CDKL3: variants seen among roughly 807,000 people sequenced by gnomAD.
CDKL3 encodes the protein cyclin-dependent kinase-like 3.
CDKL3 carries 65 observed loss-of-function variants against 69.3 expected under a neutral mutation model. The ratio of observed to expected loss-of-function variants is 0.94; its 90% CI spans 0.77 to 1.15. CDKL3 has a LOEUF of 1.15. Ranked by LOEUF, CDKL3 falls within the 50% of genes most tolerant of loss-of-function variation. The pLI is 0.00. For missense variants in CDKL3, 652 were observed against 689.2 expected (o/e 0.95, Z 0.61); for synonymous variants, 202 against 221.6 (o/e 0.91, Z 0.79).
Position 134,342,634 on chromosome 5 carries a change from T to G in CDKL3, c.539+7615A>C, listed in dbSNP as rs147873646. ...AAAGAAAAAGAAAAAGAAAAATTTA[T>G]GGAAGATCTAAATAAATGGCAAAAC... is the stretch of plus-strand genomic sequence containing the variant. On this transcript the variant is annotated intron_variant, in intron 4 of 12. Coordinates refer to ENST00000265334, the MANE Select transcript of CDKL3 (RefSeq NM_001113575.2). 2.6e-4 allele frequency among the ~76,000 whole-genome samples: 40 copies of G among 151,748 alleles called. 2 individuals carry two copies. The East Asian group carries it at 7.7e-3, about 29-fold the overall frequency.
chr5:134,305,531 T>C (rs1767581396), intron 10 of CDKL3, among the ~76,000 whole-genome samples: 1 of 152,230 alleles, frequency 6.6e-6, no homozygotes, highest in Non-Finnish European at 1.5e-5. Context: ...TGATATGCTT[T>C]GTAAACACTG....
rs1768482592 is a variant in CDKL3, at chr5:134,308,423, A to T, written c.1079T>A (p.Val360Asp). 1 of 1,612,504 alleles carries T rather than the reference A, an allele frequency of 6.2e-7. No individual in the cohort carries two copies. Among genetic ancestry groups the T allele is most frequent in the Admixed American group, 1.7e-5 (1 of 59,884 alleles). ...TCCTCTTCCTCCTTTGACTTTAATA[A>T]CTCTGACTTTGATCTCCTTGGGCTT... ...EKKPKEIKVR[V>D]IKVKGGRGDI... Residue 360 changes from valine (V) to aspartate (D), a missense_variant, in exon 9 of 13, where the codon GTT (valine) becomes GAT (aspartate). Transcript: ENST00000265334.
At chr5:134,298,760 T>C (rs370023492) in intron 12 of CDKL3, 50 bp from the exon 13 acceptor site, 2 of 1,586,486 alleles carry the variant, frequency 1.3e-6, no homozygotes, top group South Asian at 1.2e-5. Context: ...AATGTAAATA[T>C]ATGCTACCAA....
At chr5:134,291,787 AG>A (rs1233690509) in intron 8 of CDKL3, among the ~76,000 whole-genome samples, 1 of 151,894 alleles carries the variant, frequency 6.6e-6, no homozygotes, top group Non-Finnish European at 1.5e-5. Context: ...AAAAAAAAAA[AG>A]GAACTCTTTA....
rs111940705 is a variant in CDKL3 at position 134,349,541 on chromosome 5, G to A, written c.539+708C>T. ...CATTTTTCCAGGAAATGGGAAACTCGGCAGTTCCTACTGCAACACTAGCAG... is the reference window on the plus strand; with the variant it reads ...CATTTTTCCAGGAAATGGGAAACTCAGCAGTTCCTACTGCAACACTAGCAG... On this transcript the variant is annotated intron_variant, in intron 4 of 12. Coordinates refer to ENST00000265334, the MANE Select transcript of CDKL3 (RefSeq NM_001113575.2). 9.6e-3 allele frequency among the ~76,000 whole-genome samples: 1,456 copies of A among 152,198 alleles called. 12 individuals are homozygous for A. Among genetic ancestry groups the A allele is most frequent in the African/African-American group, 0.031 (1,290 of 41,526 alleles).
intron 4 of CDKL3, among the ~76,000 whole-genome samples, chr5:134,323,845 G>C (rs1773427286): frequency 1.3e-5 from 2 of 151,948 alleles, no homozygotes; most frequent in Admixed American, 1.3e-4. Flanking sequence ...ATTCACAAAA[G>C]AAAAAATTGA....
intron 3 of CDKL3, among the ~76,000 whole-genome samples, chr5:134,353,827 G>C (rs1184892311): frequency 6.6e-6 from 1 of 152,006 alleles, no homozygotes; most frequent in East Asian, 1.9e-4. Flanking sequence ...CAAAGTGCTG[G>C]GATTACAGGC....
At chr5:134,304,079 C>G (rs1172869378) in intron 11 of CDKL3, among the ~76,000 whole-genome samples, 1 of 151,762 alleles carries the variant, frequency 6.6e-6, no homozygotes, top group East Asian at 1.9e-4. Flanking sequence ...ACTACAGGCA[C>G]ACACCACCAC....
At chr5:134,312,436 A>C (rs1769815267) in intron 6 of CDKL3, 56 bp from the exon 7 acceptor site, 9 of 898,134 alleles carry the variant, frequency 1.0e-5, no homozygotes, top group Non-Finnish European at 1.5e-5. Context: ...CCATATGGTA[A>C]AAATTAAATT....
chr5:134,359,196 G>A (rs1008986137), intron 3 of CDKL3, among the ~76,000 whole-genome samples: 68 of 152,112 alleles, frequency 4.5e-4, no homozygotes, highest in African/African-American at 1.6e-3. Context: ...GATGTTTTAA[G>A]GAGAGGCAGG....
rs1424878359 is a variant in CDKL3 at position 134,331,669 on chromosome 5, T to C, written c.540-9766A>G. Among the ~76,000 whole-genome samples the C allele has an allele frequency of 2.0e-5, 3 of 152,340 alleles. No individual in the cohort carries two copies. In the East Asian group the frequency reaches 5.8e-4, roughly 29 times the overall value. On this transcript the variant is annotated intron_variant, in intron 4 of 12. Transcript: ENST00000265334. ...TGGCAAGATAGTATTCCATGGTGTA[T>C]ATGTGCCACATTTTTCTTTATTCAG...
In CDKL3 at chr5:134,342,414, C is replaced by T. The variant is rs368496436; in HGVS notation, c.539+7835G>A. On this transcript the variant is annotated intron_variant, in intron 4 of 12. Coordinates refer to ENST00000265334, the MANE Select transcript of CDKL3 (RefSeq NM_001113575.2). ...AAGATCGAGACCATCCTGGCTAACACGGTGAAACCCCATCTCTACTAAAAA... is the reference window on the plus strand; with the variant it reads ...AAGATCGAGACCATCCTGGCTAACATGGTGAAACCCCATCTCTACTAAAAA... Among the ~76,000 whole-genome samples the T allele has an allele frequency of 2.6e-5, 4 of 151,864 alleles. 1 individual carries two copies. Among genetic ancestry groups the T allele is most frequent in the Non-Finnish European group, 4.4e-5 (3 of 67,940 alleles).
chr5:134,313,878 G>A (rs942508193), intron 6 of CDKL3, among the ~76,000 whole-genome samples: 20 of 151,714 alleles, frequency 1.3e-4, no homozygotes, highest in African/African-American at 4.4e-4. Context: ...TGGCTCATGC[G>A]TGTAATCCCA....
downstream of CDKL3, among the ~76,000 whole-genome samples, chr5:134,285,443 G>A (rs565584383): frequency 1.3e-5 from 2 of 152,348 alleles, no homozygotes; most frequent in East Asian, 1.9e-4. Context: ...CTCCTCTGAA[G>A]CCACAGGCCA....
intron 4 of CDKL3, among the ~76,000 whole-genome samples, chr5:134,331,610 G>A (rs953404458): frequency 6.6e-6 from 1 of 152,054 alleles, no homozygotes; most frequent in Admixed American, 6.5e-5. Context: ...CTTCATTCAT[G>A]TCCCTGCAAA....
At chr5:134,367,444 G>T, upstream of CDKL3, 1 of 953,278 alleles carries the variant, frequency 1.0e-6, no homozygotes, top group Non-Finnish European at 1.2e-6. Context: ...GCTGATCTTG[G>T]CTCACTGCAA....
At chr5:134,335,345 G>A (rs1331189066) in intron 4 of CDKL3, among the ~76,000 whole-genome samples, 3 of 152,060 alleles carry the variant, frequency 2.0e-5, no homozygotes, top group Admixed American at 2.0e-4. Context: ...ATTATTATGT[G>A]TGAATTTGAT....
chr5:134,343,436 T>C (rs1468697112), intron 4 of CDKL3, among the ~76,000 whole-genome samples: 1 of 152,182 alleles, frequency 6.6e-6, no homozygotes, highest in Non-Finnish European at 1.5e-5. Context: ...ACTTCGTTTA[T>C]AGTTTATAGT....
At chr5:134,304,840 ATTAT>A (rs1314499593) in intron 10 of CDKL3, among the ~76,000 whole-genome samples, 1 of 148,708 alleles carries the variant, frequency 6.7e-6, no homozygotes, top group Non-Finnish European at 1.5e-5. Context: ...TAATATTATT[ATTAT>A]TATTATTATT....
Sources: allele counts gnomAD v4.1 joint callset (sites outside exome capture counted in the v4.1 genomes callset), GRCh38; gene constraint gnomAD v4.1.1; transcripts MANE v1.5; gene names NCBI Gene and HGNC (gene_info 2026-07-23, HGNC 2026-07-21).